Variants in EXOC4 observed in about 807,000 individuals in gnomAD.
EXOC4 encodes the protein SEC8-like 1.
EXOC4 carries 71 observed loss-of-function variants against 107.2 expected under a neutral mutation model. That is an observed-to-expected ratio of 0.66 (90% CI 0.55 to 0.81). The LOEUF (loss-of-function observed/expected upper bound fraction) is 0.81. Among genes scored for constraint, EXOC4 ranks in the 30% least tolerant of loss-of-function variants. The pLI, the probability that EXOC4 is intolerant of heterozygous loss-of-function variation, is 0.00. For missense variants in EXOC4, 1,108 were observed against 1,189.6 expected (o/e 0.93, Z 1.01); for synonymous variants, 456 against 441.2 (o/e 1.03, Z -0.42).
the EXOC4 span, among the ~76,000 whole-genome samples, chr7:134,088,673 C>T: frequency 6.6e-6 from 1 of 152,092 alleles, no homozygotes; most frequent in Non-Finnish European, 1.5e-5. Context: ...TTTAAGAACA[C>T]CTGTTGGAGT....
chr7:134,064,162 A>G, intron 17 of EXOC4, 129 bp from the exon 18 acceptor site: 2 of 536,858 alleles, frequency 3.7e-6, no homozygotes, highest in South Asian at 5.1e-5. Flanking sequence ...GGTGGGGCCT[A>G]GAACACTGCC....
intron 9 of EXOC4, among the ~76,000 whole-genome samples, chr7:133,506,057 C>T (rs868480209): frequency 4.6e-5 from 7 of 152,120 alleles, no homozygotes; most frequent in Middle Eastern, 3.4e-3. Context: ...ATGAGAGATA[C>T]GCTGGAAAAA....
chr7:133,946,331 A>G (rs912151049), intron 14 of EXOC4, among the ~76,000 whole-genome samples: 9 of 152,092 alleles, frequency 5.9e-5, no homozygotes, highest in Admixed American at 1.3e-4. Context: ...TTGGTATTGT[A>G]TTTTGTTCAT....
At chr7:133,825,376 A>G (rs765906883) in intron 11 of EXOC4, among the ~76,000 whole-genome samples, 3 of 152,070 alleles carry the variant, frequency 2.0e-5, no homozygotes, top group Non-Finnish European at 4.4e-5. Flanking sequence ...AAAAATAAAT[A>G]AATAAATAAA....
At chr7:133,335,733 TATTTA>T (rs1795497631) in intron 5 of EXOC4, among the ~76,000 whole-genome samples, 1 of 152,210 alleles carries the variant, frequency 6.6e-6, no homozygotes, top group Non-Finnish European at 1.5e-5. Context: ...GGTAATTCTA[TATTTA>T]ATTTTCTGGG....
At chr7:133,646,939 G>T (rs1263322463) in intron 10 of EXOC4, among the ~76,000 whole-genome samples, 2 of 152,148 alleles carry the variant, frequency 1.3e-5, no homozygotes, top group African/African-American at 4.8e-5. Flanking sequence ...GGAGCACATT[G>T]AAACAGCACA....
At chr7:133,531,135 A>G (rs527902661) in intron 9 of EXOC4, among the ~76,000 whole-genome samples, 1 of 152,254 alleles carries the variant, frequency 6.6e-6, no homozygotes, top group Non-Finnish European at 1.5e-5. Context: ...TAAAGTTTTT[A>G]GTAAGGAATA....
chr7:133,819,671 T>A (rs1404701938), intron 11 of EXOC4, among the ~76,000 whole-genome samples: 1 of 152,194 alleles, frequency 6.6e-6, no homozygotes, highest in Non-Finnish European at 1.5e-5. Flanking sequence ...CAGAAAGCCT[T>A]TCAGTATTTA....
intron 10 of EXOC4, among the ~76,000 whole-genome samples, chr7:133,785,754 G>A (rs2151178387): frequency 6.6e-6 from 1 of 151,794 alleles, no homozygotes; most frequent in South Asian, 2.1e-4. Flanking sequence ...CTCACTGCAA[G>A]CTCTGTCTCC....
chr7:134,090,640 C>T, the EXOC4 span, among the ~76,000 whole-genome samples: 1 of 152,036 alleles, frequency 6.6e-6, no homozygotes, highest in Admixed American at 6.6e-5. Flanking sequence ...AGAAAGATCC[C>T]CCTGTTGCTC....
chr7:133,762,654 A>G (rs1023144471), intron 10 of EXOC4, among the ~76,000 whole-genome samples: 1 of 152,136 alleles, frequency 6.6e-6, no homozygotes, highest in Non-Finnish European at 1.5e-5. Context: ...GCAATAGGGA[A>G]CGTAAGTTAA....
intron 12 of EXOC4, among the ~76,000 whole-genome samples, chr7:133,901,041 T>G (rs6958557): frequency 0.48 from 72,926 of 151,724 alleles, 19,235 homozygotes; most frequent in African/African-American, 0.7. Context: ...GGCTAATTTT[T>G]GTAGTTTTAG....
chr7:133,510,716 G>C (rs1799752475), intron 9 of EXOC4, among the ~76,000 whole-genome samples: 1 of 152,190 alleles, frequency 6.6e-6, no homozygotes, highest in Non-Finnish European at 1.5e-5. Context: ...GTAATGCACT[G>C]TGGGTGGTGA....
At chr7:133,486,290 G>C (rs1302415740) in intron 9 of EXOC4, among the ~76,000 whole-genome samples, 4 of 152,118 alleles carry the variant, frequency 2.6e-5, no homozygotes, top group Non-Finnish European at 4.4e-5. Flanking sequence ...AGAAAAGACA[G>C]TATTTGAGAT....
Position 134,000,879 on chromosome 7 carries a change from C to T in EXOC4, c.2348+3246C>T, listed in dbSNP as rs145835531. The stretch of plus-strand genomic sequence containing the variant: ...TATGCTAGCAAAAAGTCCAGAACAA[C>T]TTCAGATGCCAAAAATTGGTCTTGT... On this transcript the variant is annotated intron_variant, in intron 15 of 17. Transcript: ENST00000253861. Among the ~76,000 whole-genome samples, 302 of 152,312 alleles carry T rather than the reference C, an allele frequency of 2.0e-3. 2 individuals carry two copies. Among genetic ancestry groups the T allele is most frequent in the African/African-American group, 6.9e-3 (285 of 41,574 alleles).
chr7:134,005,885 C>T (rs537194332), intron 16 of EXOC4, among the ~76,000 whole-genome samples: 1 of 152,128 alleles, frequency 6.6e-6, no homozygotes, highest in African/African-American at 2.4e-5. Flanking sequence ...AGTTATATTC[C>T]AGCAAATTTG....
At chr7:133,687,244 G>T (rs1794325538) in intron 10 of EXOC4, among the ~76,000 whole-genome samples, 1 of 151,936 alleles carries the variant, frequency 6.6e-6, no homozygotes, top group Admixed American at 6.6e-5. Context: ...GTGGACTTTA[G>T]GCACTCGGGA....
chr7:133,480,401 A>G (rs1162806503), intron 9 of EXOC4: 1 of 1,247,980 alleles, frequency 8.0e-7, no homozygotes, highest in Non-Finnish European at 1.0e-6. Context: ...TCTTGCTTAA[A>G]CAGAAGACCT....
the EXOC4 span, among the ~76,000 whole-genome samples, chr7:134,079,215 A>T: frequency 5.3e-4 from 80 of 152,278 alleles, no homozygotes; most frequent in East Asian, 0.013. Flanking sequence ...CTGCTCAGGA[A>T]GCACTCTCTG....
Sources: gnomAD v4.1 joint callset for allele counts (sites outside exome capture counted in the v4.1 genomes callset) on GRCh38, gnomAD v4.1.1 for gene constraint, MANE v1.5 for transcripts, NCBI Gene and HGNC (gene_info 2026-07-23, HGNC 2026-07-21) for gene names.